OTUD4: variants seen among roughly 807,000 people sequenced by gnomAD.
OTUD4 encodes the protein OTU domain-containing protein 4.
OTUD4 carries 24 observed loss-of-function variants against 130.4 expected under a neutral mutation model. The observed-to-expected ratio is 0.18, with a 90% CI of 0.13 to 0.26. The LOEUF (loss-of-function observed/expected upper bound fraction) is 0.26. Ranked by LOEUF, OTUD4 falls within the 10% of genes least tolerant of loss-of-function variation. The pLI, the probability that OTUD4 is intolerant of heterozygous loss-of-function variation, is 1.00. For synonymous variants in OTUD4, 420 were observed against 472.5 expected (o/e 0.89, Z 1.44); for missense variants, 1,031 against 1,329.4 (o/e 0.78, Z 3.49).
At chr4:145,144,468 A>G in intron 14 of OTUD4, 34 bp from the exon 15 acceptor site, 1 of 1,596,580 alleles carries the variant, frequency 6.3e-7, no homozygotes, top group Non-Finnish European at 8.5e-7. Flanking sequence ...ATTTTGTGTT[A>G]AAGATTTACC....
rs1001804451 is a variant in OTUD4, at chr4:145,165,335, TA to T, written c.295-139del. The T allele has an allele frequency of 9.3e-6, 5 of 537,846 alleles. No homozygotes were observed. The African/African-American group carries it at 9.5e-5, about 10-fold the overall frequency. 33.3% of individuals were successfully genotyped at this position (537,846 alleles called of 1,614,324 possible). A position where few individuals can be genotyped will look rare whatever the true frequency, so the allele number is the denominator to read the frequency against. ...ATTATTAGTAGTATTGTGAATATTA[TA>T]AAAACGTTTATATAAAACAGACCAC... On this transcript the variant is annotated intron_variant, in intron 3 of 20. Transcript: ENST00000447906.
chr4:145,147,331 G>C (rs36226303), intron 13 of OTUD4, among the ~76,000 whole-genome samples: 95 of 151,950 alleles, frequency 6.3e-4, no homozygotes, highest in African/African-American at 2.2e-3. Flanking sequence ...AATTACAATA[G>C]GACAGATGTC....
chr4:145,178,877 G>A (rs897225150), intron 1 of OTUD4, among the ~76,000 whole-genome samples: 2 of 152,116 alleles, frequency 1.3e-5, no homozygotes, highest in Admixed American at 1.3e-4. Flanking sequence ...AGGCGGGTAG[G>A]GAGGGGTGTG....
chr4:145,137,634 A>G lies in OTUD4; in HGVS notation c.3141T>C (p.Tyr1047=), dbSNP rs760578854. The G allele has an allele frequency of 3.8e-5, 62 of 1,613,512 alleles. No individual in the cohort carries two copies. Among genetic ancestry groups the G allele is most frequent in the East Asian group, 2.2e-4 (10 of 44,826 alleles). The change falls in exon 21 of 21, where the codon TAT becomes TAC. Residue 1047 remains tyrosine, a synonymous_variant. Coordinates refer to ENST00000447906, the MANE Select transcript of OTUD4 (RefSeq NM_001366057.1). ...AATCACTTTTGTACTTCCTGCTTCC[A>G]TAAGTTTGATTATAGAACTGCTTGG... ...GRSKQFYNQT[Y]GSRKYKSDWG...
chr4:145,157,068 T>C (rs1274970179), intron 7 of OTUD4, among the ~76,000 whole-genome samples: 3 of 152,178 alleles, frequency 2.0e-5, no homozygotes, highest in African/African-American at 7.2e-5. Context: ...AAGGGATGAC[T>C]GTATTATTAG....
intron 13 of OTUD4, among the ~76,000 whole-genome samples, chr4:145,148,391 T>G (rs1426173869): frequency 6.6e-6 from 1 of 151,484 alleles, no homozygotes; most frequent in Non-Finnish European, 1.5e-5. Context: ...CCCAGCTACT[T>G]GGGAGGCTGA....
intron 16 of OTUD4, among the ~76,000 whole-genome samples, chr4:145,143,683 T>C (rs1166838006): frequency 6.6e-6 from 1 of 152,144 alleles, no homozygotes; most frequent in Non-Finnish European, 1.5e-5. Context: ...TATACTCTTC[T>C]CCTTTAAAAA....
intron 1 of OTUD4, chr4:145,179,543 C>G: frequency 8.6e-7 from 1 of 1,159,722 alleles, no homozygotes; most frequent in Non-Finnish European, 1.1e-6. Context: ...TGTACAAGCT[C>G]CGAGCAGGCC....
intron 14 of OTUD4, among the ~76,000 whole-genome samples, chr4:145,145,489 A>G (rs1750778241): frequency 1.3e-5 from 2 of 152,116 alleles, no homozygotes; most frequent in Non-Finnish European, 2.9e-5. Flanking sequence ...TGGGGCTTTA[A>G]TGTTTTATAC....
At chr4:145,179,475 T>C in intron 1 of OTUD4, 1 of 384,808 alleles carries the variant, frequency 2.6e-6, no homozygotes, top group African/African-American at 2.2e-5. Context: ...GGAAGGAAGG[T>C]GAATGCGGAA....
intron 7 of OTUD4, among the ~76,000 whole-genome samples, chr4:145,158,778 G>A (rs1326035103): frequency 6.6e-6 from 1 of 152,086 alleles, no homozygotes; most frequent in Non-Finnish European, 1.5e-5. Flanking sequence ...TAGGACCTAG[G>A]CTATGTACTT....
At chr4:145,176,698 C>CA (rs1025486628) in intron 1 of OTUD4, among the ~76,000 whole-genome samples, 139 of 144,390 alleles carry the variant, frequency 9.6e-4, no homozygotes, top group Admixed American at 1.7e-3. Flanking sequence ...GACTCTGTCT[C>CA]AAAAAAAAAA....
chr4:145,148,235 C>T (rs371154181), intron 13 of OTUD4, among the ~76,000 whole-genome samples: 15 of 152,190 alleles, frequency 9.9e-5, no homozygotes, highest in African/African-American at 3.6e-4. Flanking sequence ...TGCGGTGGCT[C>T]ACGCCTGTAA....
chr4:145,162,551 CAA>C, intron 6 of OTUD4, 87 bp downstream of exon 6: 1 of 638,556 alleles, frequency 1.6e-6, no homozygotes, highest in South Asian at 2.3e-5. Flanking sequence ...GACTCCGTCT[CAA>C]AAAAAAACAA....
intron 14 of OTUD4, among the ~76,000 whole-genome samples, chr4:145,145,928 T>A (rs1022514081): frequency 2.6e-5 from 4 of 152,146 alleles, no homozygotes; most frequent in Non-Finnish European, 4.4e-5. Context: ...TACACATAGA[T>A]CTTGTAATGG....
At chr4:145,167,881 A>G (rs961705413) in intron 3 of OTUD4, among the ~76,000 whole-genome samples, 2 of 152,076 alleles carry the variant, frequency 1.3e-5, no homozygotes, top group African/African-American at 4.8e-5. Flanking sequence ...AAAATGAAAA[A>G]TTCTATCCAT....
At chr4:145,165,281 G>T in intron 3 of OTUD4, 84 bp from the exon 4 acceptor site, 2 of 813,220 alleles carry the variant, frequency 2.5e-6, no homozygotes, top group East Asian at 2.4e-5. Flanking sequence ...CCTTCATACA[G>T]CATACGTAAT....
intron 7 of OTUD4, among the ~76,000 whole-genome samples, chr4:145,157,467 T>C (rs1044273506): frequency 8.6e-5 from 13 of 151,926 alleles, no homozygotes; most frequent in African/African-American, 3.1e-4. Flanking sequence ...GGCGGGTGGA[T>C]CGCCTGAGTT....
At chr4:145,161,115 A>AACAACAACG (rs1751541153) in intron 6 of OTUD4, among the ~76,000 whole-genome samples, 2 of 149,174 alleles carry the variant, frequency 1.3e-5, no homozygotes, top group East Asian at 3.9e-4. Context: ...ACCTCAAAAC[A>AACAACAACG]ACAACAACAA....
Sources: gnomAD v4.1 joint callset for allele counts (sites outside exome capture counted in the v4.1 genomes callset) on GRCh38, gnomAD v4.1.1 for gene constraint, MANE v1.5 for transcripts, NCBI Gene and HGNC (gene_info 2026-07-23, HGNC 2026-07-21) for gene names.